SCAPER: variants seen among roughly 807,000 people sequenced by gnomAD.
The protein encoded by SCAPER is S phase cyclin A-associated protein in the endoplasmic reticulum.
A neutral mutation model predicts 182.2 loss-of-function variants in SCAPER; 98 were observed. The observed-to-expected ratio is 0.54, with a 90% CI of 0.46 to 0.64. The LOEUF (loss-of-function observed/expected upper bound fraction) is 0.64. SCAPER is among the 30% of genes least tolerant of loss of function. The probability of loss-of-function intolerance (pLI) is 0.00; values close to 1 mark genes in which losing one functional copy is unlikely to be tolerated. For missense variants in SCAPER, 1,432 were observed against 1,690.0 expected (o/e 0.85, Z 2.68); for synonymous variants, 605 against 564.6 (o/e 1.07, Z -1.01).
In SCAPER at chr15:76,482,696, T is replaced by C. The variant is rs2051246106; in HGVS notation, c.2955-11361A>G. On this transcript the variant is annotated intron_variant, in intron 24 of 31. Coordinates refer to ENST00000563290, the MANE Select transcript of SCAPER (RefSeq NM_020843.4). ...GATAAAAGTCAACTGCCATCCTATA[T>C]ATTAGCAATGACAAATTGGAATTTG... 2.0e-5 allele frequency among the ~76,000 whole-genome samples: 3 copies of C among 152,306 alleles called. 1 individual carries two copies. The East Asian group carries it at 5.8e-4, about 29-fold the overall frequency.
Position 76,841,847 on chromosome 15 carries a change from G to A in SCAPER, c.280C>T (p.Arg94Trp), listed in dbSNP as rs745644657. 1.1e-5 allele frequency: 17 copies of A among 1,613,800 alleles called. No individual in the cohort carries two copies. The highest frequency in any genetic ancestry group is 2.2e-5 in the East Asian group (1 of 44,892). Residue 94 changes from arginine (R) to tryptophan (W), a missense_variant, in exon 5 of 32, where the codon CGG becomes TGG. By Grantham distance (101) the Arg-to-Trp change is moderately radical. Coordinates refer to ENST00000563290, the MANE Select transcript of SCAPER (RefSeq NM_020843.4). ...TATCGAGCTCTTAGATCAATTTTCCGAGGGTGCCTTGTTTTAGTGGGACTT... is the reference window on the plus strand; with the variant it reads ...TATCGAGCTCTTAGATCAATTTTCCAAGGGTGCCTTGTTTTAGTGGGACTT... ...DKSPTKTRHP[R>W]KIDLRARYWA...
At chr15:76,481,308 A>G (rs1359673158) in intron 24 of SCAPER, among the ~76,000 whole-genome samples, 2 of 152,206 alleles carry the variant, frequency 1.3e-5, no homozygotes, top group African/African-American at 4.8e-5. Context: ...TTAAGCTTTC[A>G]CTGTAAGCAG....
Position 76,524,827 on chromosome 15 carries a change from C to T in SCAPER, c.2839-19853G>A, listed in dbSNP as rs1597191911. On this transcript the variant is annotated intron_variant, in intron 23 of 31. Coordinates refer to ENST00000563290, the MANE Select transcript of SCAPER (RefSeq NM_020843.4). The stretch of plus-strand genomic sequence containing the variant: ...GGAATAAATATGAATGGTAGGTTTA[C>T]ATACAGGGAAGATCTAAGTGACCTA... Among the ~76,000 whole-genome samples the T allele has an allele frequency of 2.0e-5, 3 of 148,872 alleles. No individual in the cohort carries two copies. In the Admixed American group the frequency reaches 2.1e-4, roughly 10 times the overall value.
intron 25 of SCAPER, among the ~76,000 whole-genome samples, chr15:76,455,681 C>G (rs1323909472): frequency 6.6e-6 from 1 of 151,992 alleles, no homozygotes; most frequent in Admixed American, 6.6e-5. Flanking sequence ...TTTTATTTTA[C>G]TTTAAGTTCT....
chr15:76,462,706 C>T (rs140442376), intron 25 of SCAPER, among the ~76,000 whole-genome samples: 1 of 152,184 alleles, frequency 6.6e-6, no homozygotes, highest in African/African-American at 2.4e-5. Context: ...GGTGAGGATA[C>T]TATTTCATAT....
chr15:76,682,831 G>A (rs1482595905), intron 20 of SCAPER, among the ~76,000 whole-genome samples: 1 of 151,542 alleles, frequency 6.6e-6, no homozygotes, highest in Non-Finnish European at 1.5e-5. Context: ...CAAAAATGAA[G>A]TCAGCCAACT....
intron 14 of SCAPER, among the ~76,000 whole-genome samples, chr15:76,761,457 C>A (rs1379418223): frequency 6.6e-6 from 1 of 152,096 alleles, no homozygotes; most frequent in African/African-American, 2.4e-5. Context: ...CCCTCAGAGT[C>A]TTGTTTTGCT....
chr15:76,889,851 A>T (rs1383828851), intron 1 of SCAPER, among the ~76,000 whole-genome samples: 1 of 152,190 alleles, frequency 6.6e-6, no homozygotes, highest in Non-Finnish European at 1.5e-5. Context: ...TCTCCACCCC[A>T]ATTCAACAGA....
At chr15:76,784,649 C>T (rs1057441323) in intron 8 of SCAPER, among the ~76,000 whole-genome samples, 1 of 152,186 alleles carries the variant, frequency 6.6e-6, no homozygotes, top group African/African-American at 2.4e-5. Flanking sequence ...TACAAGGCTA[C>T]AGTAACCAAA....
intron 21 of SCAPER, among the ~76,000 whole-genome samples, chr15:76,641,016 T>C (rs779129575): frequency 1.3e-5 from 2 of 152,178 alleles, no homozygotes; most frequent in Non-Finnish European, 2.9e-5. Flanking sequence ...CCTGTCCATA[T>C]GGATAAGATA....
At chr15:76,638,774 G>C (rs1222935458) in intron 21 of SCAPER, among the ~76,000 whole-genome samples, 2 of 152,146 alleles carry the variant, frequency 1.3e-5, no homozygotes, top group Non-Finnish European at 2.9e-5. Flanking sequence ...TTTAAAAATA[G>C]GAACACTTAT....
chr15:76,694,404 T>C (rs552663177), intron 20 of SCAPER, among the ~76,000 whole-genome samples: 1 of 152,112 alleles, frequency 6.6e-6, no homozygotes, highest in Non-Finnish European at 1.5e-5. Flanking sequence ...ATTGTTAGTG[T>C]ATAGAAACAT....
Position 76,819,253 on chromosome 15 carries a change from T to C in SCAPER, c.394-14620A>G, listed in dbSNP as rs1013255191. Among the ~76,000 whole-genome samples, 11 of 152,302 alleles carry C rather than the reference T, an allele frequency of 7.2e-5. No individual in the cohort carries two copies. In the East Asian group the frequency reaches 2.1e-3, roughly 29 times the overall value. On this transcript the variant is annotated intron_variant, in intron 5 of 31. Transcript: ENST00000563290. ...GAAGACAGTAGTGGTTCTCCCAGCA[T>C]GCAGCTTGAGATCTGAGAACAGGCA...
intron 2 of SCAPER, among the ~76,000 whole-genome samples, chr15:76,881,652 T>C (rs1177620068): frequency 2.0e-5 from 3 of 152,162 alleles, no homozygotes; most frequent in Non-Finnish European, 4.4e-5. Context: ...TACTGGATGA[T>C]TTCACTTATA....
chr15:76,644,663 C>T (rs1411298670), intron 21 of SCAPER, among the ~76,000 whole-genome samples: 3 of 151,992 alleles, frequency 2.0e-5, no homozygotes, highest in African/African-American at 7.2e-5. Context: ...CAACAATTCC[C>T]CACAATACCC....
intron 20 of SCAPER, among the ~76,000 whole-genome samples, chr15:76,672,961 A>C (rs1308014761): frequency 6.6e-6 from 1 of 152,132 alleles, no homozygotes; most frequent in Non-Finnish European, 1.5e-5. Context: ...AATTTATTTC[A>C]GCATTTAGGG....
chr15:76,622,174 T>G (rs1306329254), intron 21 of SCAPER, among the ~76,000 whole-genome samples: 3 of 152,200 alleles, frequency 2.0e-5, no homozygotes, highest in Non-Finnish European at 4.4e-5. Flanking sequence ...CTAACTAGGC[T>G]CCGGCTTGCC....
chr15:76,538,913 T>C (rs2044464095), intron 23 of SCAPER, among the ~76,000 whole-genome samples: 2 of 152,092 alleles, frequency 1.3e-5, no homozygotes, highest in South Asian at 2.1e-4. Context: ...TGAAGACTGA[T>C]GCCTGCATCC....
intron 23 of SCAPER, among the ~76,000 whole-genome samples, chr15:76,550,441 G>A (rs772836775): frequency 3.8e-4 from 58 of 152,210 alleles, no homozygotes; most frequent in Middle Eastern, 3.4e-3. Context: ...GAGAACATGC[G>A]GTGTTTGGTT....
Sources: allele counts gnomAD v4.1 joint callset (sites outside exome capture counted in the v4.1 genomes callset), GRCh38; gene constraint gnomAD v4.1.1; transcripts MANE v1.5; gene names NCBI Gene and HGNC (gene_info 2026-07-23, HGNC 2026-07-21).